Variants in DNER observed in about 807,000 individuals in gnomAD.
DNER encodes delta and Notch-like epidermal growth factor-related receptor.
A neutral mutation model predicts 78.2 loss-of-function variants in DNER; 33 were observed. That is an observed-to-expected ratio of 0.42 (90% CI 0.32 to 0.56). The LOEUF is 0.56. DNER is among the 20% of genes least tolerant of loss of function. The pLI is 0.11. For synonymous variants in DNER, 417 were observed against 384.8 expected (o/e 1.08, Z -0.98); for missense variants, 918 against 975.3 (o/e 0.94, Z 0.78).
At chr2:229,642,522 T>G (rs1698644135) in intron 1 of DNER, among the ~76,000 whole-genome samples, 1 of 152,190 alleles carries the variant, frequency 6.6e-6, no homozygotes, top group African/African-American at 2.4e-5. Flanking sequence ...CTACAACACA[T>G]GGCAGAAAAA....
chr2:229,709,595 C>T (rs965510976), intron 1 of DNER, among the ~76,000 whole-genome samples: 3 of 152,086 alleles, frequency 2.0e-5, no homozygotes, highest in Admixed American at 6.5e-5. Flanking sequence ...TGAAGCAGAC[C>T]ACTGTTTCAA....
chr2:229,697,933 T>G (rs1699686987), intron 1 of DNER, among the ~76,000 whole-genome samples: 1 of 152,206 alleles, frequency 6.6e-6, no homozygotes, highest in South Asian at 2.1e-4. Context: ...TTCACGCCTG[T>G]AATCCTAACA....
chr2:229,621,049 C>T (rs188543469), intron 1 of DNER, among the ~76,000 whole-genome samples: 6 of 152,310 alleles, frequency 3.9e-5, no homozygotes, highest in East Asian at 1.9e-4. Context: ...TTTGTTATGA[C>T]GCCTTAGCTA....
chr2:229,555,686 G>A (rs1398781393), intron 4 of DNER, among the ~76,000 whole-genome samples: 2 of 152,184 alleles, frequency 1.3e-5, no homozygotes, highest in East Asian at 3.9e-4. Context: ...AGCCAAAGCA[G>A]CAAAGACAAT....
chr2:229,616,259 C>T (rs1698161000), intron 1 of DNER, among the ~76,000 whole-genome samples: 1 of 152,226 alleles, frequency 6.6e-6, no homozygotes, highest in Non-Finnish European at 1.5e-5. Context: ...GTGGAATCCT[C>T]CCACATCCTC....
intron 1 of DNER, among the ~76,000 whole-genome samples, chr2:229,691,592 T>C (rs1172797456): frequency 6.6e-6 from 1 of 152,068 alleles, no homozygotes; most frequent in African/African-American, 2.4e-5. Flanking sequence ...TTAATTATAT[T>C]GGCAAGCAAA....
intron 5 of DNER, among the ~76,000 whole-genome samples, chr2:229,541,135 A>ATT (rs1696504813): frequency 1.3e-5 from 2 of 152,242 alleles, no homozygotes; most frequent in South Asian, 4.2e-4. Flanking sequence ...GATGAGAAGC[A>ATT]TTTTTCTGAG....
chr2:229,435,259 T>C (rs1694098726), intron 8 of DNER, among the ~76,000 whole-genome samples: 1 of 152,084 alleles, frequency 6.6e-6, no homozygotes, highest in Non-Finnish European at 1.5e-5. Flanking sequence ...GTTGCCCCCA[T>C]CACTCCAGCT....
At chr2:229,711,126 T>C (rs1351107404) in intron 1 of DNER, among the ~76,000 whole-genome samples, 7 of 151,988 alleles carry the variant, frequency 4.6e-5, no homozygotes, top group Non-Finnish European at 8.8e-5. Flanking sequence ...GGAGACTGGC[T>C]TGTGGGTTTT....
At chr2:229,448,266 C>T (rs543915968) in intron 7 of DNER, among the ~76,000 whole-genome samples, 5 of 151,772 alleles carry the variant, frequency 3.3e-5, no homozygotes, top group South Asian at 2.1e-4. Context: ...AAGCTAGGCA[C>T]GAAATACTAC....
At chr2:229,689,721 T>A (rs1699537526) in intron 1 of DNER, among the ~76,000 whole-genome samples, 1 of 152,086 alleles carries the variant, frequency 6.6e-6, no homozygotes, top group African/African-American at 2.4e-5. Flanking sequence ...GGAAAAAACA[T>A]AAGCACTCCC....
chr2:229,606,770 G>C (rs1338903358), intron 1 of DNER, among the ~76,000 whole-genome samples: 1 of 152,128 alleles, frequency 6.6e-6, no homozygotes, highest in African/African-American at 2.4e-5. Flanking sequence ...GTGCGCTCCT[G>C]TAATCCCAGC....
intron 1 of DNER, among the ~76,000 whole-genome samples, chr2:229,601,824 C>T (rs1677765631): frequency 1.3e-5 from 2 of 152,034 alleles, no homozygotes; most frequent in Non-Finnish European, 2.9e-5. Context: ...AGTGATAAGT[C>T]ATAGTGATGA....
intron 1 of DNER, among the ~76,000 whole-genome samples, chr2:229,625,566 G>A (rs1698324479): frequency 6.6e-6 from 1 of 152,168 alleles, no homozygotes; most frequent in Admixed American, 6.5e-5. Context: ...CTCCACTTCT[G>A]CCTAGGTAGG....
chr2:229,569,257 T>C (rs966435722), intron 4 of DNER, among the ~76,000 whole-genome samples: 1 of 152,188 alleles, frequency 6.6e-6, no homozygotes, highest in Non-Finnish European at 1.5e-5. Flanking sequence ...GCGCAGTTGC[T>C]CAAGCCTGTA....
Position 229,368,519 on chromosome 2 carries a change from C to T in DNER, c.1856-1400G>A, listed in dbSNP as rs112745549. 9.8e-3 allele frequency among the ~76,000 whole-genome samples: 1,499 copies of T among 152,228 alleles called. 11 individuals carry two copies. Among genetic ancestry groups the T allele is most frequent in the Non-Finnish European group, 0.015 (1,043 of 67,998 alleles). ...AGATGAAAAGATATCCACTAAACAACAAAAGAATAAAAGCATGTTACCAAA... is the reference window on the plus strand; with the variant it reads ...AGATGAAAAGATATCCACTAAACAATAAAAGAATAAAAGCATGTTACCAAA... On this transcript the variant is annotated intron_variant, in intron 11 of 12. Coordinates refer to ENST00000341772, the MANE Select transcript of DNER (RefSeq NM_139072.4).
chr2:229,710,983 G>GCGCACACA (rs1553555262), intron 1 of DNER, among the ~76,000 whole-genome samples: 3,041 of 139,770 alleles, frequency 0.022, 37 homozygotes, highest in Non-Finnish European at 0.025. Context: ...GCATACACGC[G>GCGCACACA]CACACACACA....
At chr2:229,398,961 C>T (rs963739852) in intron 10 of DNER, among the ~76,000 whole-genome samples, 1 of 151,916 alleles carries the variant, frequency 6.6e-6, no homozygotes, top group East Asian at 1.9e-4. Context: ...AACACTACAG[C>T]TGACATTATC....
At chr2:229,424,795 A>G (rs12105722) in intron 8 of DNER, among the ~76,000 whole-genome samples, 14,164 of 152,134 alleles carry the variant, frequency 0.093, 2,177 homozygotes, top group African/African-American at 0.32. Context: ...CAGTCACAAG[A>G]CTGTTGGTAT....
Sources: gnomAD v4.1 joint callset for allele counts (sites outside exome capture counted in the v4.1 genomes callset) on GRCh38, gnomAD v4.1.1 for gene constraint, MANE v1.5 for transcripts, NCBI Gene and HGNC (gene_info 2026-07-23, HGNC 2026-07-21) for gene names.